Variants in TMEM101 observed in about 807,000 individuals in gnomAD.
TMEM101 encodes the protein putative NF-kappa-B-activating protein 130.
TMEM101 carries 14 observed loss-of-function variants against 26.0 expected under a neutral mutation model. That is an observed-to-expected ratio of 0.54 (90% CI 0.36 to 0.84). TMEM101 has a LOEUF of 0.84. TMEM101 is among the 40% of genes least tolerant of loss of function. TMEM101 has a pLI of 0.01. For synonymous variants in TMEM101, 152 were observed against 145.1 expected, an observed-to-expected ratio of 1.05 and a Z score of -0.34; for missense variants, 292 against 345.1, an observed-to-expected ratio of 0.85 and a Z score of 1.22.
intron 1 of TMEM101, 128 bp downstream of exon 1, chr17:44,014,688 C>G: frequency 6.7e-7 from 1 of 1,500,328 alleles, no homozygotes. Flanking sequence ...TGGTCCGACA[C>G]CCAGACCAGA....
In TMEM101 at chr17:44,014,473, A is replaced by C. The variant is rs1301189430; in HGVS notation, c.202T>G (p.Phe68Val). 6.4e-7 allele frequency: 1 copy of C among 1,564,602 alleles called. No individual in the cohort carries two copies. Among genetic ancestry groups the C allele is most frequent in the Non-Finnish European group, 8.7e-7 (1 of 1,154,168 alleles). Residue 68 changes from phenylalanine (F) to valine (V), a missense_variant, in exon 2 of 4, where the codon TTC (phenylalanine) becomes GTC (valine). Transcript: ENST00000206380. ...DMGAAVLCAS[F>V]MSFGVKRRWF... ...CGCCGCTTCACGCCAAAGGACATGA[A>C]ACTAGCGCACAGCACGGCTGCCCCC...
intron 2 of TMEM101, among the ~76,000 whole-genome samples, chr17:44,020,418 T>C (rs1303059449): frequency 6.6e-6 from 1 of 152,182 alleles, no homozygotes; most frequent in Non-Finnish European, 1.5e-5. Context: ...AAGTCCAGGT[T>C]GGATTTCAAG....
upstream of TMEM101, chr17:44,019,387 A>G (rs970332634): frequency 3.5e-5 from 14 of 404,338 alleles, no homozygotes; most frequent in Non-Finnish European, 6.4e-5. Context: ...TCGTCCGTGC[A>G]CAGACGAGGA....
intron 2 of TMEM101, among the ~76,000 whole-genome samples, chr17:44,013,658 C>CA (rs1485645985): frequency 6.6e-6 from 1 of 152,050 alleles, no homozygotes; most frequent in East Asian, 1.9e-4. Context: ...GACTCTGTTT[C>CA]AAAAAACAAC....
At chr17:44,015,053 C>T (rs949121876), upstream of TMEM101, 3 of 1,463,710 alleles carry the variant, frequency 2.0e-6, no homozygotes, top group South Asian at 4.1e-5. Flanking sequence ...CTTTTTCCTC[C>T]CGGAAACAAC....
chr17:44,018,602 C>T (rs2049256163), upstream of TMEM101, among the ~76,000 whole-genome samples: 2 of 152,168 alleles, frequency 1.3e-5, no homozygotes, highest in African/African-American at 4.8e-5. Flanking sequence ...CTGAGGTGTA[C>T]AGCCCTAAAG....
chr17:44,016,338 A>G (rs2049230985), upstream of TMEM101, among the ~76,000 whole-genome samples: 1 of 151,976 alleles, frequency 6.6e-6, no homozygotes, highest in Non-Finnish European at 1.5e-5. Context: ...ACACCCGGCT[A>G]ATTTTTATTT....
chr17:44,019,378 C>T (rs1284884506), upstream of TMEM101: 5 of 423,048 alleles, frequency 1.2e-5, no homozygotes, highest in African/African-American at 4.1e-5. Context: ...GTCGGCCACT[C>T]GTCCGTGCAC....
At chr17:44,022,812 CTG>C (rs746729189) in intron 1 of TMEM101, among the ~76,000 whole-genome samples, 20 of 152,158 alleles carry the variant, frequency 1.3e-4, no homozygotes, top group Non-Finnish European at 2.6e-4. Context: ...CTTTCGGATT[CTG>C]TTTGTGACAC....
chr17:44,021,153 T>C (rs2049280889), intron 2 of TMEM101, among the ~76,000 whole-genome samples: 1 of 152,218 alleles, frequency 6.6e-6, no homozygotes, highest in Admixed American at 6.5e-5. Flanking sequence ...TGTTCCGTTC[T>C]ATATGTTGTT....
intron 1 of TMEM101, among the ~76,000 whole-genome samples, chr17:44,021,750 G>C (rs139462456): frequency 3.9e-4 from 60 of 152,336 alleles, no homozygotes; most frequent in African/African-American, 1.4e-3. Flanking sequence ...CATGACCCAA[G>C]TCATAATCAT....
At chr17:44,015,035 C>T, upstream of TMEM101, 2 of 1,497,654 alleles carry the variant, frequency 1.3e-6, no homozygotes, top group Non-Finnish European at 1.8e-6. Context: ...CCGGGTCAAG[C>T]GCTTTTTCTT....
At chr17:44,017,332 G>C (rs1005859261), upstream of TMEM101, among the ~76,000 whole-genome samples, 4 of 151,646 alleles carry the variant, frequency 2.6e-5, no homozygotes, top group African/African-American at 9.7e-5. Flanking sequence ...GGGCACGGTG[G>C]CTCATGCCTG....
In TMEM101 at chr17:44,011,979, T is replaced by C. The variant is rs1459296885; in HGVS notation, c.723A>G (p.Gly241=). 1 of 1,614,058 alleles carries C rather than the reference T, an allele frequency of 6.2e-7. No individual in the cohort carries two copies. ...CAGTTCCGAAGATGCCCACACTCTC[T>C]CCAAGGAGCTTCATCTGGTTCCAGA... The part of the protein sequence containing the change: ...VEFWNQMKLL[G]ESVGIFGTAV... Residue 241 remains glycine, a synonymous_variant, in exon 4 of 4, where the codon GGA becomes GGG. Coordinates refer to ENST00000206380, the MANE Select transcript of TMEM101 (RefSeq NM_032376.4).
rs764215750 is a variant in TMEM101 at position 44,012,248 on chromosome 17, A to G, written c.466-12T>C. 21 of 1,602,778 alleles carry G rather than the reference A, an allele frequency of 1.3e-5. No individual in the cohort carries two copies. The African/African-American group carries it at 2.7e-4, about 20-fold the overall frequency. ...TGCAGTGAGTAGGCCTGGAGACATA[A>G]CATCCTCTAAGACTCTCCAACAGGC... On this transcript the variant is annotated splice_polypyrimidine_tract_variant and intron_variant, in intron 3 of 3. Coordinates refer to ENST00000206380, the MANE Select transcript of TMEM101 (RefSeq NM_032376.4).
chr17:44,014,340 G>A lies in TMEM101; in HGVS notation c.318+17C>T. The stretch of plus-strand genomic sequence containing the variant: ...CGTCACCCAGAGGGAAGACCCTTTT[G>A]GGGCCGAGGCGCTCACCTTCAGCCA... On this transcript the variant is annotated intron_variant, in intron 2 of 3. Coordinates refer to ENST00000206380, the MANE Select transcript of TMEM101 (RefSeq NM_032376.4). 1 of 1,543,426 alleles carries A rather than the reference G, an allele frequency of 6.5e-7. No homozygotes were observed. The highest frequency in any genetic ancestry group is 8.8e-7 in the Non-Finnish European group (1 of 1,140,710).
intron 1 of TMEM101, 117 bp from the exon 2 acceptor site, chr17:44,014,654 T>G: frequency 3.3e-6 from 5 of 1,501,088 alleles, no homozygotes; most frequent in Non-Finnish European, 4.5e-6. Context: ...TCCCCTCCCA[T>G]GGGCAGGACC....
At chr17:44,016,744 G>C (rs1435042175), upstream of TMEM101, among the ~76,000 whole-genome samples, 3 of 152,316 alleles carry the variant, frequency 2.0e-5, no homozygotes, top group East Asian at 5.8e-4. Context: ...ATGTAAAGTT[G>C]AAAACTCCAA....
At chr17:44,015,204 A>T (rs140355585), upstream of TMEM101, 80 of 420,174 alleles carry the variant, frequency 1.9e-4, 1 homozygote, top group African/African-American at 1.6e-3. Context: ...GGTTCAGGAT[A>T]GCAGAAGTCT....
Sources: allele counts gnomAD v4.1 joint callset (sites outside exome capture counted in the v4.1 genomes callset), GRCh38; gene constraint gnomAD v4.1.1; transcripts MANE v1.5; gene names NCBI Gene and HGNC (gene_info 2026-07-23, HGNC 2026-07-21).